RANBP2: variants seen among roughly 807,000 people sequenced by gnomAD.
The protein encoded by RANBP2 is RAN binding protein 2.
Under a neutral mutation model 303.6 loss-of-function variants are expected in RANBP2, and 57 were observed. The observed-to-expected ratio is 0.19, with a 90% CI of 0.15 to 0.23. RANBP2 has a LOEUF of 0.23. RANBP2 is among the 10% of genes least tolerant of loss of function. The pLI is 1.00. For missense variants in RANBP2, 3,138 were observed against 3,780.8 expected (o/e 0.83, Z 4.46); for synonymous variants, 1,167 against 1,301.5 (o/e 0.90, Z 2.23).
intron 7 of RANBP2, among the ~76,000 whole-genome samples, chr2:108,746,252 A>T (rs1279796011): frequency 8.6e-6 from 1 of 116,544 alleles, no homozygotes; most frequent in East Asian, 2.4e-4. Flanking sequence ...TCGCTCTTTC[A>T]CCCAGGCTGG....
At chr2:108,961,157 TG>T in the RANBP2 span, among the ~76,000 whole-genome samples, 43 of 152,340 alleles carry the variant, frequency 2.8e-4, no homozygotes, top group African/African-American at 9.6e-4. Context: ...GCAGAGCCTC[TG>T]GGCCTGGCCC....
chr2:109,348,021 C>G, the RANBP2 span: 1 of 1,514,792 alleles, frequency 6.6e-7, no homozygotes, highest in Non-Finnish European at 8.9e-7. Context: ...TTCCCAGCCA[C>G]AGACCTATAG....
chr2:109,060,042 A>G, the RANBP2 span, among the ~76,000 whole-genome samples: 11 of 152,078 alleles, frequency 7.2e-5, no homozygotes, highest in Non-Finnish European at 1.6e-4. Context: ...CTGACTTCCA[A>G]CCTGGACTTA....
chr2:109,488,549 C>T, the RANBP2 span, among the ~76,000 whole-genome samples: 9 of 152,334 alleles, frequency 5.9e-5, no homozygotes, highest in East Asian at 1.9e-4. Flanking sequence ...TCCTCACTCC[C>T]TGCCCCCAGG....
the RANBP2 span, among the ~76,000 whole-genome samples, chr2:109,136,913 G>A: frequency 6.6e-5 from 10 of 152,100 alleles, no homozygotes; most frequent in African/African-American, 1.7e-4. Context: ...CAGGGAGTTC[G>A]CAGGGAGCCA....
At chr2:108,820,995 T>C in the RANBP2 span, among the ~76,000 whole-genome samples, 1 of 141,054 alleles carries the variant, frequency 7.1e-6, no homozygotes, top group Non-Finnish European at 1.5e-5. Context: ...AATTCTTGCA[T>C]AGAATGTAAC....
At chr2:108,851,015 G>A in the RANBP2 span, among the ~76,000 whole-genome samples, 2 of 152,180 alleles carry the variant, frequency 1.3e-5, no homozygotes, top group East Asian at 1.9e-4. Context: ...TGCAAGTCCG[G>A]CCCTCTGGAA....
chr2:109,086,514 A>G, the RANBP2 span, among the ~76,000 whole-genome samples: 1 of 152,156 alleles, frequency 6.6e-6, no homozygotes, highest in African/African-American at 2.4e-5. Context: ...GTGGGAAGGG[A>G]CAGACCCTCA....
chr2:109,282,531 G>T, the RANBP2 span, among the ~76,000 whole-genome samples: 28 of 152,240 alleles, frequency 1.8e-4, 1 homozygote, highest in South Asian at 5.6e-3. Context: ...CAGGGGAGGG[G>T]TGGTACTGCC....
At chr2:109,719,263 A>T in the RANBP2 span, among the ~76,000 whole-genome samples, 1 of 148,062 alleles carries the variant, frequency 6.8e-6, no homozygotes, top group Non-Finnish European at 1.5e-5. Context: ...CACCCGGCTA[A>T]TTTTTTTTGT....
At chr2:108,845,352 G>T in the RANBP2 span, among the ~76,000 whole-genome samples, 1 of 152,006 alleles carries the variant, frequency 6.6e-6, no homozygotes, top group Admixed American at 6.6e-5. Flanking sequence ...AATTTTAGAT[G>T]CAGAAATTTA....
At chr2:109,354,439 G>T in the RANBP2 span, among the ~76,000 whole-genome samples, 11 of 152,232 alleles carry the variant, frequency 7.2e-5, no homozygotes, top group Non-Finnish European at 5.9e-5. Flanking sequence ...AGGGCTGTGG[G>T]CCACTCATGG....
At chr2:109,565,239 C>T in the RANBP2 span, among the ~76,000 whole-genome samples, 135,163 of 152,094 alleles carry the variant, frequency 0.89, 60,126 homozygotes, top group Middle Eastern at 0.97. Context: ...TTTGGAAATC[C>T]ATACTAGTAA....
chr2:109,356,338 T>A, the RANBP2 span, among the ~76,000 whole-genome samples: 2 of 152,288 alleles, frequency 1.3e-5, no homozygotes, highest in South Asian at 2.1e-4. Flanking sequence ...CCAGAAGAGA[T>A]GCCTGCTGCC....
the RANBP2 span, among the ~76,000 whole-genome samples, chr2:108,947,238 C>T: frequency 2.0e-5 from 3 of 152,238 alleles, no homozygotes; most frequent in Admixed American, 1.3e-4. Flanking sequence ...AAGGGGTGGG[C>T]TCCCATGGCT....
chr2:109,516,989 G>A, the RANBP2 span, among the ~76,000 whole-genome samples: 15 of 152,252 alleles, frequency 9.9e-5, no homozygotes, highest in Middle Eastern at 6.8e-3. Flanking sequence ...TGTACAGTTC[G>A]GGTAAGGGTG....
chr2:109,559,893 G>A, the RANBP2 span, among the ~76,000 whole-genome samples: 1 of 144,748 alleles, frequency 6.9e-6, no homozygotes, highest in African/African-American at 2.6e-5. Context: ...CCAGACCTAT[G>A]TAGCCTCCAA....
the RANBP2 span, among the ~76,000 whole-genome samples, chr2:109,453,306 C>T: frequency 2.6e-5 from 4 of 152,208 alleles, no homozygotes; most frequent in Non-Finnish European, 5.9e-5. Flanking sequence ...CCAACACCCA[C>T]AAGTTACACA....
the RANBP2 span, among the ~76,000 whole-genome samples, chr2:109,639,299 G>A: frequency 6.6e-6 from 1 of 152,174 alleles, no homozygotes; most frequent in Non-Finnish European, 1.5e-5. Context: ...TTTAATAAGT[G>A]TTTATTGGAC....
Sources: gnomAD v4.1 joint callset for allele counts (sites outside exome capture counted in the v4.1 genomes callset) on GRCh38, gnomAD v4.1.1 for gene constraint, MANE v1.5 for transcripts, NCBI Gene and HGNC (gene_info 2026-07-23, HGNC 2026-07-21) for gene names.